AP3S2: variants seen among roughly 807,000 people sequenced by gnomAD.
AP3S2 encodes adaptor related protein complex 3 subunit sigma 2, also known as AP-3 complex subunit sigma-2.
In AP3S2, 22 loss-of-function variants were observed where a neutral mutation model predicts 23.4. The ratio of observed to expected loss-of-function variants is 0.94; its 90% confidence interval spans 0.67 to 1.34. The LOEUF (loss-of-function observed/expected upper bound fraction) is 1.34. Among genes scored for constraint, AP3S2 ranks in the 40% most tolerant of loss-of-function variants. AP3S2 has a pLI of 0.00. For missense variants in AP3S2, 241 were observed against 236.9 expected (o/e 1.02, Z -0.11); for synonymous variants, 86 against 87.1 (o/e 0.99, Z 0.07).
chr15:89,882,251 A>G (rs1413821247), intron 3 of AP3S2, among the ~76,000 whole-genome samples: 2 of 151,950 alleles, frequency 1.3e-5, no homozygotes, highest in East Asian at 1.9e-4. Flanking sequence ...GAGTAGTTTT[A>G]TTCATATTAA....
At chr15:89,852,205 G>C (rs548043658) in intron 4 of AP3S2, among the ~76,000 whole-genome samples, 1 of 152,284 alleles carries the variant, frequency 6.6e-6, no homozygotes, top group East Asian at 1.9e-4. Context: ...AGAGTTCTTA[G>C]CTGCCAGGCT....
intron 4 of AP3S2, among the ~76,000 whole-genome samples, chr15:89,847,375 CAAAAAAAA>C (rs11314336): frequency 0.032 from 1,979 of 62,714 alleles, 26 homozygotes; most frequent in African/African-American, 0.12. Context: ...GACCCTGTTA[CAAAAAAAA>C]AAAAAAAAAA....
At chr15:89,881,869 G>A (rs1307413107) in intron 3 of AP3S2, among the ~76,000 whole-genome samples, 3 of 150,304 alleles carry the variant, frequency 2.0e-5, no homozygotes, top group Non-Finnish European at 4.4e-5. Flanking sequence ...CGCCCAGGCT[G>A]GAGCGCAATG....
At chr15:89,868,025 C>T (rs1298908010) in intron 4 of AP3S2, among the ~76,000 whole-genome samples, 252 of 120,186 alleles carry the variant, frequency 2.1e-3, no homozygotes, top group Middle Eastern at 7.5e-3. Flanking sequence ...CCGCCCCGTC[C>T]AGGAGGTGAG....
chr15:89,863,418 C>G (rs895306579), intron 4 of AP3S2, among the ~76,000 whole-genome samples: 1 of 152,028 alleles, frequency 6.6e-6, no homozygotes, highest in Admixed American at 6.6e-5. Flanking sequence ...AGAACAAACA[C>G]TAAGGACACC....
intron 4 of AP3S2, among the ~76,000 whole-genome samples, chr15:89,861,426 T>C (rs1896007293): frequency 6.6e-6 from 1 of 152,166 alleles, no homozygotes; most frequent in Non-Finnish European, 1.5e-5. Context: ...TAGATACTGG[T>C]AGATCAGAAT....
chr15:89,852,968 T>C (rs896473548), intron 4 of AP3S2, among the ~76,000 whole-genome samples: 3 of 152,156 alleles, frequency 2.0e-5, no homozygotes, highest in Non-Finnish European at 4.4e-5. Context: ...GAGGTCTTTG[T>C]ACATAAGAAG....
rs1392562339 is a variant in AP3S2, at chr15:89,830,815, G to A, written c.*4700C>T. ...GGGCGGGCAGTGCCAGGGCTGGGGT[G>A]CCACTGTACAGGGTGATGGGGAGGC... On this transcript the variant is annotated 3_prime_UTR_variant, in exon 6 of 6. Coordinates refer to ENST00000336418, the MANE Select transcript of AP3S2 (RefSeq NM_005829.5). The A allele has an allele frequency of 6.6e-6, 1 of 152,472 alleles. No homozygotes were observed. The highest frequency in any genetic ancestry group is 2.4e-5 in the African/African-American group (1 of 41,458). 9.4% of individuals were successfully genotyped at this position (152,472 alleles called of 1,614,324 possible). A position where few individuals can be genotyped will look rare whatever the true frequency, so the allele number is the denominator to read the frequency against.
intron 1 of AP3S2, 26 bp downstream of exon 1, chr15:89,893,855 G>C: frequency 6.4e-7 from 1 of 1,551,414 alleles, no homozygotes; most frequent in Non-Finnish European, 8.7e-7. Context: ...CCCTGAAGGG[G>C]CGTGGTGAAG....
Position 89,837,655 on chromosome 15 carries a change from A to G in AP3S2, c.413T>C (p.Val138Ala). 6.2e-7 allele frequency: 1 copy of G among 1,614,188 alleles called. No homozygotes were observed. The highest frequency in any genetic ancestry group is 8.5e-7 in the Non-Finnish European group (1 of 1,180,030). ...CCTGTTTTGAGCCTCAATCTGAGCC[A>G]CGATTTCATTCATGTTTGTTTCCAA... ...MVLETNMNEIVAQIEAQNRLE... is the reference protein window; with the variant it reads ...MVLETNMNEIAAQIEAQNRLE... The change falls in exon 5 of 6, where the codon GTG becomes GCG. Residue 138 changes from valine (V) to alanine (A), a missense_variant. Physicochemically the swap from Val to Ala is moderately conservative, Grantham distance 64. Coordinates refer to ENST00000336418, the MANE Select transcript of AP3S2 (RefSeq NM_005829.5).
At chr15:89,846,811 C>A (rs965621580) in intron 4 of AP3S2, among the ~76,000 whole-genome samples, 2 of 152,120 alleles carry the variant, frequency 1.3e-5, no homozygotes, top group Non-Finnish European at 2.9e-5. Context: ...CAGGTATGAG[C>A]AACTGCGCCC....
chr15:89,844,247 CTT>C (rs1478374395), intron 4 of AP3S2, among the ~76,000 whole-genome samples: 5 of 64,440 alleles, frequency 7.8e-5, no homozygotes, highest in South Asian at 5.5e-4. Context: ...TTCTTTCTTT[CTT>C]TCTTTCTTTC....
Position 89,871,517 on chromosome 15 carries a change from G to C in AP3S2, c.303C>G (p.Phe101Leu). ...QVFVETLDKC[F>L]ENVCELDLIF... ...TCAAATCCAATTCACACACATTTTC[G>C]AAACACTTATCCAGAGTTTCCACAA... The change falls in exon 4 of 6, where the codon TTC becomes TTG. Residue 101 changes from phenylalanine to leucine, a missense_variant. Coordinates refer to ENST00000336418, the MANE Select transcript of AP3S2 (RefSeq NM_005829.5). 2 of 1,613,432 alleles carry C rather than the reference G, an allele frequency of 1.2e-6. No homozygotes were observed. The highest frequency in any genetic ancestry group is 1.7e-6 in the Non-Finnish European group (2 of 1,179,818).
At chr15:89,855,333 C>T (rs552562283) in intron 4 of AP3S2, among the ~76,000 whole-genome samples, 2 of 106,052 alleles carry the variant, frequency 1.9e-5, no homozygotes, top group Non-Finnish European at 3.9e-5. Context: ...AGGCAGCATG[C>T]GCGTTAAGAG....
intron 1 of AP3S2, among the ~76,000 whole-genome samples, chr15:89,892,444 G>T (rs536691609): frequency 6.6e-6 from 1 of 152,238 alleles, no homozygotes; most frequent in East Asian, 1.9e-4. Flanking sequence ...GGCTGAGTCC[G>T]GTGGATTGCT....
chr15:89,855,931 TATG>T (rs1355136939), intron 4 of AP3S2, among the ~76,000 whole-genome samples: 2 of 103,372 alleles, frequency 1.9e-5, no homozygotes, highest in Middle Eastern at 6.8e-3. Context: ...TATGAATAAA[TATG>T]ATATGTCCTT....
At position 89,846,297 on chromosome 15, in the gene AP3S2, A is replaced by C. The variant is rs369364727; in HGVS notation, c.346-8575T>G. 4.6e-5 allele frequency among the ~76,000 whole-genome samples: 7 copies of C among 152,280 alleles called. 1 individual carries two copies. Among genetic ancestry groups the C allele is most frequent in the African/African-American group, 1.7e-4 (7 of 41,548 alleles). ...TCAAAATGTCAATTCCTCTAAAGAC[A>C]ATCTAACCTGTTATCGAGTCTCTCC... On this transcript the variant is annotated intron_variant, in intron 4 of 5. Coordinates refer to ENST00000336418, the MANE Select transcript of AP3S2 (RefSeq NM_005829.5).
chr15:89,835,049 T>A lies in AP3S2; in HGVS notation c.*466A>T, dbSNP rs1443720260. 5.9e-6 allele frequency: 1 copy of A among 169,542 alleles called. No homozygotes were observed. Among genetic ancestry groups the A allele is most frequent in the African/African-American group, 2.4e-5 (1 of 42,114 alleles). 10.5% of individuals were successfully genotyped at this position (169,542 alleles called of 1,614,324 possible). A position where few individuals can be genotyped will look rare whatever the true frequency, so the allele number is the denominator to read the frequency against. ...TGAAGGGCCAGCCCTTTTCTACCTA[T>A]GACACCTCACCAGCAAGTAAAGGGC... On this transcript the variant is annotated 3_prime_UTR_variant, in exon 6 of 6. Transcript: ENST00000336418.
At chr15:89,852,177 T>C (rs529942206) in intron 4 of AP3S2, among the ~76,000 whole-genome samples, 215 of 152,298 alleles carry the variant, frequency 1.4e-3, no homozygotes, top group African/African-American at 5.0e-3. Context: ...TTTCTTCATC[T>C]GTAAAATGGG....
Sources: allele counts gnomAD v4.1 joint callset (sites outside exome capture counted in the v4.1 genomes callset), GRCh38; gene constraint gnomAD v4.1.1; transcripts MANE v1.5; gene names NCBI Gene and HGNC (gene_info 2026-07-23, HGNC 2026-07-21).